Variants in TDG observed in about 807,000 individuals in gnomAD.
TDG encodes the protein thymine DNA glycosylase, also known as G/T mismatch-specific thymine DNA glycosylase.
TDG carries 23 observed loss-of-function variants against 46.1 expected under a neutral mutation model. The observed-to-expected ratio is 0.50, with a 90% CI of 0.36 to 0.71. The LOEUF is 0.71. TDG is among the 30% of genes least tolerant of loss of function. The pLI is 0.00. For missense variants in TDG, 304 were observed against 486.7 expected (o/e 0.62, Z 3.53); for synonymous variants, 115 against 161.3 (o/e 0.71, Z 2.18).
chr12:103,966,225 C>A (rs905225314), intron 1 of TDG, among the ~76,000 whole-genome samples, 165 bp downstream of exon 1: 8 of 152,314 alleles, frequency 5.3e-5, no homozygotes, highest in African/African-American at 1.9e-4. Context: ...TCCCTGGCTG[C>A]GGCGGTGGTG....
chr12:103,969,190 G>T (rs1187003048), intron 1 of TDG, among the ~76,000 whole-genome samples: 1 of 152,188 alleles, frequency 6.6e-6, no homozygotes, highest in Non-Finnish European at 1.5e-5. Context: ...CAATTATTAG[G>T]TACTATTCCC....
At chr12:103,972,264 G>A (rs1047176445) in intron 1 of TDG, among the ~76,000 whole-genome samples, 9 of 151,972 alleles carry the variant, frequency 5.9e-5, no homozygotes, top group African/African-American at 1.5e-4. Context: ...GATTACAGGC[G>A]CATGCCACGA....
At position 103,979,369 on chromosome 12, in the gene TDG, G is replaced by A. The variant is rs371275509; in HGVS notation, c.167-462G>A. Among the ~76,000 whole-genome samples the A allele has an allele frequency of 4.6e-5, 7 of 152,218 alleles. No individual in the cohort carries two copies. The East Asian group carries it at 1.4e-3, about 29-fold the overall frequency. On this transcript the variant is annotated intron_variant, in intron 2 of 9. Transcript: ENST00000392872. ...TCTGCCTGCCTTGGCCTCCCAAAGTGCTGGGATTACAGACATGAGCCACCA... is the reference window on the plus strand; with the variant it reads ...TCTGCCTGCCTTGGCCTCCCAAAGTACTGGGATTACAGACATGAGCCACCA...
Position 103,987,822 on chromosome 12 carries a change from G to A in TDG, c.*732G>A, listed in dbSNP as rs1414416689. 6.6e-6 allele frequency: 1 copy of A among 152,450 alleles called. No individual in the cohort carries two copies. Among genetic ancestry groups the A allele is most frequent in the Non-Finnish European group, 1.5e-5 (1 of 68,018 alleles). 9.4% of individuals were successfully genotyped at this position (152,450 alleles called of 1,614,324 possible). A position where few individuals can be genotyped will look rare whatever the true frequency, so the allele number is the denominator to read the frequency against. On this transcript the variant is annotated 3_prime_UTR_variant, in exon 10 of 10. Coordinates refer to ENST00000392872, the MANE Select transcript of TDG (RefSeq NM_003211.6). The stretch of plus-strand genomic sequence containing the variant: ...ACTTGAGACATGTAAATATGATAGG[G>A]AAGGAACTGAATTTCTCCATTCATA...
chr12:103,979,592 T>C (rs4135093), intron 2 of TDG, among the ~76,000 whole-genome samples: 39,268 of 152,062 alleles, frequency 0.26, 6,607 homozygotes, highest in Non-Finnish European at 0.36. Flanking sequence ...TAATAGTCTA[T>C]GATTATTCTT....
At chr12:103,984,708 A>G in intron 7 of TDG, 41 bp from the exon 8 acceptor site, 1 of 1,406,176 alleles carries the variant, frequency 7.1e-7, no homozygotes, top group South Asian at 1.7e-5. Context: ...AATTCAATAG[A>G]ATTATAAGAT....
intron 2 of TDG, among the ~76,000 whole-genome samples, chr12:103,977,589 G>A (rs167715): frequency 0.9 from 136,994 of 152,292 alleles, 61,705 homozygotes; most frequent in East Asian, 1. Flanking sequence ...ATGGTGAGAG[G>A]TGAGGCTGGA....
chr12:103,981,369 G>C (rs909992226), intron 4 of TDG, among the ~76,000 whole-genome samples: 1 of 151,414 alleles, frequency 6.6e-6, no homozygotes, highest in African/African-American at 2.4e-5. Context: ...CCTAGTAGCT[G>C]GGATTACAGG....
In TDG at chr12:103,980,015, T is replaced by A; in HGVS notation, c.351T>A (p.Ala117=). ...ACCGTTTTAATGGTGTTTCAGAAGC[T>A]GAACTTCTGACCAAGACTCTCCCCG... ...KVDRFNGVSE[A]ELLTKTLPDI... The change falls in exon 3 of 10, where the codon GCT becomes GCA. Residue 117 remains alanine (A), a synonymous_variant. Coordinates refer to ENST00000392872, the MANE Select transcript of TDG (RefSeq NM_003211.6). The A allele has an allele frequency of 6.2e-7, 1 of 1,614,094 alleles. No individual in the cohort carries two copies. The highest frequency in any genetic ancestry group is 1.1e-5 in the South Asian group (1 of 91,062).
In TDG at chr12:103,988,330, G is replaced by GA. The variant is rs1872294560; in HGVS notation, c.*1240_*1241insA. The GA allele has an allele frequency of 6.6e-6, 1 of 152,664 alleles. No individual in the cohort carries two copies. The highest frequency in any genetic ancestry group is 1.5e-5 in the Non-Finnish European group (1 of 68,042). The allele number at this position is 152,664 out of a possible 1,614,324, so 9.5% of individuals were successfully genotyped here. Reference sequence around the variant, plus strand: ...TATGAGGTCTCCCCCACCCCCAGGAGGTTATATGATTGCTCTTCTCTTTAT... The same window carrying GA: ...TATGAGGTCTCCCCCACCCCCAGGAGAGTTATATGATTGCTCTTCTCTTTAT... On this transcript the variant is annotated 3_prime_UTR_variant, in exon 10 of 10. Coordinates refer to ENST00000392872, the MANE Select transcript of TDG (RefSeq NM_003211.6).
chr12:103,985,442 T>C (rs1221573516), intron 8 of TDG, among the ~76,000 whole-genome samples, 161 bp from the exon 9 acceptor site: 2 of 152,168 alleles, frequency 1.3e-5, no homozygotes, highest in Non-Finnish European at 2.9e-5. Flanking sequence ...ACAGTTCTTA[T>C]GTGTTTATTT....
intron 1 of TDG, 127 bp downstream of exon 1, chr12:103,966,187 G>T (rs931138966): frequency 1.6e-6 from 2 of 1,268,364 alleles, no homozygotes; most frequent in East Asian, 6.0e-5. Flanking sequence ...GGCCGCGCGT[G>T]CGCACTGTGG....
intron 3 of TDG, 140 bp downstream of exon 3, chr12:103,980,212 G>T: frequency 8.1e-7 from 1 of 1,227,486 alleles, no homozygotes. Context: ...TCAGCTTCAT[G>T]AGGTTGTGTT....
Position 103,979,845 on chromosome 12 carries a change from A to G in TDG, c.181A>G (p.Arg61Gly). 2 of 1,571,532 alleles carry G rather than the reference A, an allele frequency of 1.3e-6. No individual in the cohort carries two copies. Among genetic ancestry groups the G allele is most frequent in the African/African-American group, 1.4e-5 (1 of 72,312 alleles). Residue 61 changes from arginine (R) to glycine (G), a missense_variant, in exon 3 of 10, where the codon AGA (arginine) becomes GGA (glycine). Arg to Gly is a moderately radical substitution (Grantham distance 125). Transcript: ENST00000392872. ...TTGTATTTCAGAGGCTCCAAAAGGA[A>G]GAAAAAGAAAACCCAGAACAACAGA... is the stretch of plus-strand genomic sequence containing the variant. ...QEPVQEAPKG[R>G]KRKPRTTEPK...
At chr12:103,981,809 A>G (rs576598388) in intron 4 of TDG, among the ~76,000 whole-genome samples, 3 of 152,266 alleles carry the variant, frequency 2.0e-5, no homozygotes, top group African/African-American at 7.2e-5. Context: ...CAGGAGTTTG[A>G]GACTAGCCTG....
intron 1 of TDG, among the ~76,000 whole-genome samples, chr12:103,967,277 G>T (rs1207032796): frequency 6.6e-6 from 1 of 152,014 alleles, no homozygotes; most frequent in Non-Finnish European, 1.5e-5. Context: ...CATCCAAAAG[G>T]CTATAGACCA....
rs1872304046 is a variant in TDG, at chr12:103,988,441, TG to T, written c.*1352del. The stretch of plus-strand genomic sequence containing the variant: ...GATTTTATTTTTTCCTAGGTCAAGC[TG>T]TGTAAAAGTCATTTATGTTATTTAA... On this transcript the variant is annotated 3_prime_UTR_variant, in exon 10 of 10. Coordinates refer to ENST00000392872, the MANE Select transcript of TDG (RefSeq NM_003211.6). The T allele has an allele frequency of 6.5e-6, 1 of 152,756 alleles. No individual in the cohort carries two copies. Among genetic ancestry groups the T allele is most frequent in the Non-Finnish European group, 1.5e-5 (1 of 68,066 alleles). 9.5% of individuals were successfully genotyped at this position (152,756 alleles called of 1,614,324 possible). A position where few individuals can be genotyped will look rare whatever the true frequency, so the allele number is the denominator to read the frequency against.
chr12:103,985,210 T>C (rs7974229), intron 8 of TDG, among the ~76,000 whole-genome samples: 1,060 of 89,008 alleles, frequency 0.012, 7 homozygotes, highest in African/African-American at 0.034. Flanking sequence ...CACACACACA[T>C]TACAGAAAGT....
At position 103,985,950 on chromosome 12, in the gene TDG, C is replaced by T. The variant is rs4135129; in HGVS notation, c.1090+222C>T. 3.9e-4 allele frequency among the ~76,000 whole-genome samples: 59 copies of T among 152,270 alleles called. No individual in the cohort carries two copies. The East Asian group carries it at 6.0e-3, about 15-fold the overall frequency. ...TTTGTTTGTTTTTGAGACAGATTCTCGCTGTGTCACCCAGGCTAGAGTGCA... is the reference window on the plus strand; with the variant it reads ...TTTGTTTGTTTTTGAGACAGATTCTTGCTGTGTCACCCAGGCTAGAGTGCA... On this transcript the variant is annotated intron_variant, in intron 9 of 9. Transcript: ENST00000392872.
Sources: allele counts gnomAD v4.1 joint callset (sites outside exome capture counted in the v4.1 genomes callset), GRCh38; gene constraint gnomAD v4.1.1; transcripts MANE v1.5; gene names NCBI Gene and HGNC (gene_info 2026-07-23, HGNC 2026-07-21).